Variants in WDR86 observed in about 807,000 individuals in gnomAD.
WDR86 encodes the protein WD repeat-containing protein 86.
In WDR86, 30 loss-of-function variants were observed where a neutral mutation model predicts 36.5. The ratio of observed to expected loss-of-function variants is 0.82; its 90% confidence interval spans 0.61 to 1.11. The LOEUF is 1.11. WDR86 is among the 50% of genes most tolerant of loss of function. The pLI, the probability that WDR86 is intolerant of heterozygous loss-of-function variation, is 0.00. For missense variants in WDR86, 545 were observed against 561.2 expected, an observed-to-expected ratio of 0.97 and a Z score of 0.29; for synonymous variants, 255 against 252.9, an observed-to-expected ratio of 1.01 and a Z score of -0.08.
At position 151,388,041 on chromosome 7, in the gene WDR86, A is replaced by G. The variant is rs1259297366; in HGVS notation, c.727-2818T>C. On this transcript the variant is annotated intron_variant, in intron 3 of 5. Coordinates refer to ENST00000334493, the MANE Select transcript of WDR86 (RefSeq NM_198285.3). The surrounding 1 kb of genome is among the most constrained non-coding windows in gnomAD (Gnocchi z 4.2). Reference sequence around the variant, plus strand: ...ACATGGTAACCCCCGCCCATCCCCAAAACGCAGGTGCAATCTCTGCCCGCC... The same window carrying G: ...ACATGGTAACCCCCGCCCATCCCCAGAACGCAGGTGCAATCTCTGCCCGCC... Among the ~76,000 whole-genome samples the G allele has an allele frequency of 6.6e-6, 1 of 152,194 alleles. No individual in the cohort carries two copies. Among genetic ancestry groups the G allele is most frequent in the East Asian group, 1.9e-4 (1 of 5,186 alleles).
chr7:151,396,285 G>A lies in WDR86; in HGVS notation c.306-89C>T. The A allele has an allele frequency of 3.4e-6, 5 of 1,455,616 alleles. No individual in the cohort carries two copies. In the South Asian group the frequency reaches 5.9e-5, roughly 17 times the overall value. The allele number at this position is 1,455,616 out of a possible 1,614,324, so 90.2% of individuals were successfully genotyped here. Reference sequence around the variant, plus strand: ...CCGACATGCCATGCTCGGCACTGCAGCTAAAATAACCTCTCCCTGTGTCTG... The same window carrying A: ...CCGACATGCCATGCTCGGCACTGCAACTAAAATAACCTCTCCCTGTGTCTG... On this transcript the variant is annotated intron_variant, in intron 2 of 5. Coordinates refer to ENST00000334493, the MANE Select transcript of WDR86 (RefSeq NM_198285.3).
downstream of WDR86, among the ~76,000 whole-genome samples, chr7:151,378,729 C>T (rs1798427735): frequency 6.6e-6 from 1 of 152,224 alleles, no homozygotes; most frequent in African/African-American, 2.4e-5. Context: ...GAGTCTCAGC[C>T]TCATTTGACA....
chr7:151,402,871 G>A (rs1245387047), intron 1 of WDR86, among the ~76,000 whole-genome samples: 1 of 152,192 alleles, frequency 6.6e-6, no homozygotes, highest in Non-Finnish European at 1.5e-5. Flanking sequence ...GGCCCTCAGG[G>A]TCTCTGATCT....
intron 2 of WDR86, among the ~76,000 whole-genome samples, chr7:151,396,971 C>G: frequency 1.3e-5 from 2 of 152,354 alleles, no homozygotes; most frequent in South Asian, 4.1e-4. Context: ...ATTGTATTCA[C>G]GACTCTTATT....
chr7:151,381,419 C>T lies in WDR86; in HGVS notation c.*163G>A. On this transcript the variant is annotated 3_prime_UTR_variant, in exon 6 of 6. Coordinates refer to ENST00000334493, the MANE Select transcript of WDR86 (RefSeq NM_198285.3). The surrounding 1 kb of genome is among the most constrained non-coding windows in gnomAD (Gnocchi z 4.8). ...ACTCCCGCTCCCAGCGCCTCCTGGC[C>T]ACCAAAGAAAAACCAGACGCCTGCG... is the stretch of plus-strand genomic sequence containing the variant. 6.7e-7 allele frequency: 1 copy of T among 1,488,806 alleles called. No homozygotes were observed. The highest frequency in any genetic ancestry group is 8.9e-7 in the Non-Finnish European group (1 of 1,127,324). 92.2% of individuals were successfully genotyped at this position (1,488,806 alleles called of 1,614,324 possible). A position where few individuals can be genotyped will look rare whatever the true frequency, so the allele number is the denominator to read the frequency against.
At chr7:151,380,757 C>G (rs1029865384), downstream of WDR86, among the ~76,000 whole-genome samples, 5 of 151,982 alleles carry the variant, frequency 3.3e-5, no homozygotes, top group African/African-American at 9.7e-5. Flanking sequence ...CTCCTGTGCA[C>G]GAGCCCGGGG....
rs1798570703 is a variant in WDR86 at position 151,381,604 on chromosome 7, G to A, written c.1109C>T (p.Ala370Val). Residue 370 changes from alanine (A) to valine (V), a missense_variant, in exon 6 of 6, where the codon GCC becomes GTC. By Grantham distance (64) the Ala-to-Val change is moderately conservative. Transcript: ENST00000334493. This position sits in a 1 kb window ranked among gnomAD's most constrained non-coding sequence, Gnocchi z 4.8. Reference sequence around the variant, plus strand: ...GGATCAGGCCGGCTGCAGGGGCGCGGCGGCGCAGCCCACCTTGTTGCTGAA... The same window carrying A: ...GGATCAGGCCGGCTGCAGGGGCGCGACGGCGCAGCCCACCTTGTTGCTGAA... ...RLFSNKVGCA[A>V]APLQPA The A allele has an allele frequency of 7.3e-7, 1 of 1,372,204 alleles. No individual in the cohort carries two copies. The highest frequency in any genetic ancestry group is 1.7e-5 in the South Asian group (1 of 58,622). 85.0% of individuals were successfully genotyped at this position (1,372,204 alleles called of 1,614,324 possible).
chr7:151,394,244 C>A (rs1223593343), intron 3 of WDR86, among the ~76,000 whole-genome samples: 1 of 152,190 alleles, frequency 6.6e-6, no homozygotes, highest in Non-Finnish European at 1.5e-5. Flanking sequence ...CATGCCCCAT[C>A]CAGCATCTCA....
chr7:151,378,202 T>A (rs1354287448), downstream of WDR86: 1 of 152,048 alleles, frequency 6.6e-6, no homozygotes, highest in African/African-American at 2.4e-5. Flanking sequence ...CCAGTGGGAG[T>A]TCCTTCCAGC....
chr7:151,384,368 G>C (rs1259053079), intron 4 of WDR86, among the ~76,000 whole-genome samples: 1 of 152,216 alleles, frequency 6.6e-6, no homozygotes, highest in African/African-American at 2.4e-5. Context: ...AATGGTCACA[G>C]AGAGGTATGT....
intron 3 of WDR86, among the ~76,000 whole-genome samples, chr7:151,395,494 G>GGGACAC (rs1554421978): frequency 9.9e-4 from 146 of 147,152 alleles, no homozygotes; most frequent in Middle Eastern, 3.6e-3. Context: ...AAGAGATTAG[G>GGGACAC]ACACACACAC....
In WDR86 at chr7:151,401,078, A is replaced by G. The variant is rs1471371334; in HGVS notation, c.164-837T>C. Among the ~76,000 whole-genome samples, 1 of 152,172 alleles carries G rather than the reference A, an allele frequency of 6.6e-6. No homozygotes were observed. ...ATGCTTCCCAGCAACCCCCTTGCCC[A>G]CCTGCTCATGAATAATCAGGTAAGA... On this transcript the variant is annotated intron_variant, in intron 1 of 5. Transcript: ENST00000334493. This position sits in a 1 kb window ranked among gnomAD's most constrained non-coding sequence, Gnocchi z 4.3.
intron 1 of WDR86, among the ~76,000 whole-genome samples, chr7:151,403,233 G>A (rs1248252051): frequency 1.3e-5 from 2 of 152,188 alleles, no homozygotes; most frequent in African/African-American, 4.8e-5. Context: ...GAACCCACAG[G>A]TGCAGAACGT....
Position 151,406,763 on chromosome 7 carries a change from G to A in WDR86, c.163+2664C>T, listed in dbSNP as rs1207006549. Among the ~76,000 whole-genome samples the A allele has an allele frequency of 6.6e-6, 1 of 152,188 alleles. No homozygotes were observed. Among genetic ancestry groups the A allele is most frequent in the Non-Finnish European group, 1.5e-5 (1 of 68,040 alleles). The stretch of plus-strand genomic sequence containing the variant: ...AGAAAACAACAAGAATGCCGTGTAT[G>A]CTGCTCATGAGTCTGCACCTCCCCA... On this transcript the variant is annotated intron_variant, in intron 1 of 5. Coordinates refer to ENST00000334493, the MANE Select transcript of WDR86 (RefSeq NM_198285.3). This position sits in a 1 kb window ranked among gnomAD's most constrained non-coding sequence, Gnocchi z 4.4.
chr7:151,379,291 G>A (rs994287779), downstream of WDR86, among the ~76,000 whole-genome samples: 10 of 152,142 alleles, frequency 6.6e-5, no homozygotes, highest in Admixed American at 2.0e-4. Flanking sequence ...GGGCATGGGC[G>A]TGTAGCAGGC....
chr7:151,396,048 G>C lies in WDR86; in HGVS notation c.454C>G (p.Pro152Ala). The C allele has an allele frequency of 1.2e-6, 2 of 1,611,650 alleles. No homozygotes were observed. Among genetic ancestry groups the C allele is most frequent in the Middle Eastern group, 3.3e-4 (2 of 6,060 alleles). The change falls in exon 3 of 6, where the codon CCC (proline) becomes GCC (alanine). Residue 152 changes from proline (P) to alanine (A), a missense_variant. Physicochemically the swap from Pro to Ala is conservative, Grantham distance 27. Transcript: ENST00000334493. ...TLAYSAPWDL[P>A]STPCAEEAAA... ...GCCTCCTCCGCGCAGGGAGTGCTGG[G>C]GAGGTCCCACGGGGCAGAGTAGGCT... is the stretch of plus-strand genomic sequence containing the variant.
At chr7:151,375,923 T>G (rs772303473) in exon 2 of WDR86, 23 of 1,611,812 alleles carry the variant, frequency 1.4e-5, no homozygotes, top group Non-Finnish European at 1.7e-6. Flanking sequence ...AGAAAGTCCT[T>G]CCCAGGAAAA....
intron 2 of WDR86, among the ~76,000 whole-genome samples, chr7:151,397,916 C>T (rs1040228182): frequency 6.6e-6 from 1 of 151,398 alleles, no homozygotes; most frequent in Non-Finnish European, 1.5e-5. Context: ...TGTGAGAAGG[C>T]AGGGATGCCA....
At chr7:151,371,084 C>G (rs1177888184), downstream of WDR86, among the ~76,000 whole-genome samples, 1 of 151,966 alleles carries the variant, frequency 6.6e-6, no homozygotes, top group Non-Finnish European at 1.5e-5. Flanking sequence ...AGTTAAAAGC[C>G]CTTGGAGAAA....
Sources: gnomAD v4.1 joint callset for allele counts (sites outside exome capture counted in the v4.1 genomes callset) on GRCh38, gnomAD v4.1.1 for gene constraint, Gnocchi (gnomAD v3.1) non-coding constraint, MANE v1.5 for transcripts, NCBI Gene and HGNC (gene_info 2026-07-23, HGNC 2026-07-21) for gene names.